Variants in CTBP1 observed in about 807,000 individuals in gnomAD.
The protein encoded by CTBP1 is C-terminal-binding protein 1.
CTBP1 carries 11 observed loss-of-function variants against 42.1 expected under a neutral mutation model. That is an observed-to-expected ratio of 0.26 (90% CI 0.16 to 0.43). The LOEUF (loss-of-function observed/expected upper bound fraction) is 0.43. Ranked by LOEUF, CTBP1 falls within the 20% of genes least tolerant of loss-of-function variation. CTBP1 has a pLI of 1.00. For synonymous variants in CTBP1, 324 were observed against 277.1 expected, an observed-to-expected ratio of 1.17 and a Z score of -1.68; for missense variants, 399 against 624.3, an observed-to-expected ratio of 0.64 and a Z score of 3.85.
At chr4:1,216,716 G>T (rs1409418372) in intron 5 of CTBP1, 3 of 173,446 alleles carry the variant, frequency 1.7e-5, no homozygotes, top group Non-Finnish European at 2.5e-5. Context: ...TGACCCCTTC[G>T]AGTGGAGCGG....
intron 3 of CTBP1, chr4:1,236,414 C>T: frequency 1.8e-6 from 1 of 557,316 alleles, no homozygotes; most frequent in East Asian, 3.0e-5. Flanking sequence ...GTGAAGACCG[C>T]CGCGCAACTG....
chr4:1,229,389 G>A (rs567112672), intron 3 of CTBP1, among the ~76,000 whole-genome samples: 4 of 152,368 alleles, frequency 2.6e-5, no homozygotes, highest in African/African-American at 9.6e-5. Flanking sequence ...AGCCGTGGCT[G>A]AGGACACCAG....
intron 1 of CTBP1, chr4:1,242,199 G>A (rs1732248964): frequency 1.0e-6 from 1 of 985,444 alleles, no homozygotes; most frequent in Non-Finnish European, 1.2e-6. Context: ...CAGGGGCAGG[G>A]GGCCCCTGAG....
intron 3 of CTBP1, among the ~76,000 whole-genome samples, chr4:1,231,490 C>T (rs564703551): frequency 2.0e-5 from 3 of 152,184 alleles, no homozygotes; most frequent in African/African-American, 4.8e-5. Flanking sequence ...CCAGGAAGCT[C>T]GGCTGCCACC....
intron 4 of CTBP1, among the ~76,000 whole-genome samples, chr4:1,227,823 C>G (rs534738025): frequency 6.6e-6 from 1 of 152,244 alleles, no homozygotes; most frequent in African/African-American, 2.4e-5. Context: ...GGTTGCAACA[C>G]GCTGCTGTTC....
intron 1 of CTBP1, among the ~76,000 whole-genome samples, chr4:1,247,614 C>G (rs1050985637): frequency 2.0e-5 from 3 of 152,170 alleles, no homozygotes; most frequent in African/African-American, 7.2e-5. Context: ...AACCCTGCCC[C>G]AAGCTGCAGA....
intron 1 of CTBP1, chr4:1,244,703 C>G (rs960197188): frequency 1.1e-5 from 11 of 985,182 alleles, no homozygotes; most frequent in Non-Finnish European, 1.3e-5. Flanking sequence ...GGCCCTCACC[C>G]TGCCCTGTCC....
rs1560228012 is a variant in CTBP1, at chr4:1,214,348, G to C, written c.855C>G (p.Pro285=). 1 of 1,556,334 alleles carries C rather than the reference G, an allele frequency of 6.4e-7. No homozygotes were observed. The highest frequency in any genetic ancestry group is 8.6e-7 in the Non-Finnish European group (1 of 1,158,354). The stretch of plus-strand genomic sequence containing the variant: ...GGCACTGGCCGTGGGGGCACCTGAA[G>C]GGTTCCGACTCGTGCACATCCAGGG... The part of the protein sequence containing the change: ...GAALDVHESE[P]FSFSQGPLKD... The change falls in exon 7 of 10, where the codon CCC becomes CCG. Residue 285 remains proline (P), a synonymous_variant. Coordinates refer to ENST00000382952, the MANE Select transcript of CTBP1 (RefSeq NM_001012614.2).
chr4:1,248,707 A>C (rs1020845400), intron 1 of CTBP1: 1 of 980,530 alleles, frequency 1.0e-6, no homozygotes, highest in South Asian at 4.7e-5. Flanking sequence ...GCTCGCGCAC[A>C]CGCAGCGGCC....
chr4:1,212,312 C>A lies in CTBP1; in HGVS notation c.1218G>T (p.Pro406=). The A allele has an allele frequency of 9.5e-6, 4 of 419,710 alleles. No individual in the cohort carries two copies. Among genetic ancestry groups the A allele is most frequent in the East Asian group, 9.8e-5 (1 of 10,196 alleles). The allele number at this position is 419,710 out of a possible 1,614,324, so 26.0% of individuals were successfully genotyped here. ...TTTGGCCAGGAGAAGGGGCGTGGGG[C>A]GGGTGGGCCACAGGGGGCAGGCCGT... ...LSHGLPPVAH[P]PHAPSPGQTV... Residue 406 remains proline, a synonymous_variant, in exon 10 of 10, where the codon CCG becomes CCT. Transcript: ENST00000382952.
intron 5 of CTBP1, among the ~76,000 whole-genome samples, chr4:1,221,143 G>A (rs183434686): frequency 1.9e-3 from 292 of 152,336 alleles, no homozygotes; most frequent in African/African-American, 4.6e-3. Flanking sequence ...TGAGGGCTTC[G>A]TAACCAACAC....
rs1008565041 is a variant in CTBP1 at position 1,211,625 on chromosome 4, G to A, written c.*615C>T. On this transcript the variant is annotated 3_prime_UTR_variant, in exon 10 of 10. Transcript: ENST00000382952. Reference sequence around the variant, plus strand: ...ACGTCGATGGGCAGCGGGCACGCTGGGCACCGCCCAAGCTTTTCCTTTTGG... The same window carrying A: ...ACGTCGATGGGCAGCGGGCACGCTGAGCACCGCCCAAGCTTTTCCTTTTGG... 6.6e-6 allele frequency: 1 copy of A among 152,440 alleles called. No homozygotes were observed. The highest frequency in any genetic ancestry group is 1.5e-5 in the Non-Finnish European group (1 of 68,034). 9.4% of individuals were successfully genotyped at this position (152,440 alleles called of 1,614,324 possible).
intron 5 of CTBP1, chr4:1,216,406 G>A (rs1023255379): frequency 3.3e-6 from 2 of 611,798 alleles, no homozygotes; most frequent in Non-Finnish European, 5.8e-6. Flanking sequence ...TGCCAAGGCG[G>A]AGGAGATGCA....
upstream of CTBP1, chr4:1,249,601 C>A (rs534825520): frequency 6.8e-4 from 257 of 377,084 alleles, no homozygotes; most frequent in Non-Finnish European, 1.3e-3. Flanking sequence ...TGGCCAGGGG[C>A]ACCGAGGCCG....
Position 1,238,042 on chromosome 4 carries a change from C to T in CTBP1, c.162+141G>A, listed in dbSNP as rs764754005. ...GGAAAACCCCGTGTCCACCTCCTGA[C>T]GGCGCGGGACGACTGGGACAGAGGC... On this transcript the variant is annotated intron_variant, in intron 3 of 9. Transcript: ENST00000382952. The surrounding 1 kb of genome is among the most constrained non-coding windows in gnomAD (Gnocchi z 5.9). The T allele has an allele frequency of 9.2e-5, 104 of 1,127,482 alleles. 1 individual carries two copies. Among genetic ancestry groups the T allele is most frequent in the Middle Eastern group, 1.9e-4 (1 of 5,190 alleles). The allele number at this position is 1,127,482 out of a possible 1,614,324, so 69.8% of individuals were successfully genotyped here. A position where few individuals can be genotyped will look rare whatever the true frequency, so the allele number is the denominator to read the frequency against.
At position 1,238,480 on chromosome 4, in the gene CTBP1, G is replaced by GT; in HGVS notation, c.8-144dup. 2 of 1,071,208 alleles carry GT rather than the reference G, an allele frequency of 1.9e-6. No individual in the cohort carries two copies. Among genetic ancestry groups the GT allele is most frequent in the South Asian group, 4.0e-5 (2 of 50,616 alleles). The allele number at this position is 1,071,208 out of a possible 1,614,324, so 66.4% of individuals were successfully genotyped here. ...CTATATGTTGTGATATTTGTAAAAA[G>GT]TAAATTAAAAATCCACGTGAAAGAC... On this transcript the variant is annotated intron_variant, in intron 2 of 9. Transcript: ENST00000382952. The surrounding 1 kb of genome is among the most constrained non-coding windows in gnomAD (Gnocchi z 5.9).
At chr4:1,248,188 C>G (rs530339220) in intron 1 of CTBP1, among the ~76,000 whole-genome samples, 1 of 151,920 alleles carries the variant, frequency 6.6e-6, no homozygotes, top group African/African-American at 2.4e-5. Flanking sequence ...CCGCAGCCCG[C>G]GAGGAAGGCG....
At position 1,228,289 on chromosome 4, in the gene CTBP1, C is replaced by T; in HGVS notation, c.217G>A (p.Glu73Lys). The T allele has an allele frequency of 6.2e-7, 1 of 1,614,168 alleles. No individual in the cohort carries two copies. The highest frequency in any genetic ancestry group is 8.5e-7 in the Non-Finnish European group (1 of 1,180,000). The change falls in exon 4 of 10, where the codon GAG becomes AAG. Residue 73 changes from glutamate to lysine, a missense_variant. This residue lies in a region of CTBP1 where 309 missense variants were observed against 497.5 expected (regional missense o/e 0.62). Coordinates refer to ENST00000382952, the MANE Select transcript of CTBP1 (RefSeq NM_001012614.2). Reference sequence around the variant, plus strand: ...AGGGCTTTGAACTTCTCCAGGTCCTCCCTGGTGAGAGTGATGGTGTGGTAC... The same window carrying T: ...AGGGCTTTGAACTTCTCCAGGTCCTTCCTGGTGAGAGTGATGGTGTGGTAC... The part of the protein sequence containing the change: ...LMYHTITLTR[E>K]DLEKFKALRI...
intron 3 of CTBP1, among the ~76,000 whole-genome samples, chr4:1,229,379 A>C (rs1730727188): frequency 6.6e-6 from 1 of 152,228 alleles, no homozygotes. Context: ...CTGTGCGAAC[A>C]GCCGTGGCTG....
Sources: allele counts gnomAD v4.1 joint callset (sites outside exome capture counted in the v4.1 genomes callset), GRCh38; gene constraint gnomAD v4.1.1; regional missense constraint gnomAD v4.1.1; non-coding constraint Gnocchi (gnomAD v3.1); transcripts MANE v1.5; gene names NCBI Gene and HGNC (gene_info 2026-07-23, HGNC 2026-07-21).